AK5: variants seen among roughly 807,000 people sequenced by gnomAD.
The protein encoded by AK5 is adenylate kinase isoenzyme 5.
Under a neutral mutation model 69.5 loss-of-function variants are expected in AK5, and 27 were observed. The ratio of observed to expected loss-of-function variants is 0.39; its 90% confidence interval spans 0.29 to 0.54. The LOEUF is 0.54. Among genes scored for constraint, AK5 ranks in the 20% least tolerant of loss-of-function variants. AK5 has a pLI of 0.71. For synonymous variants in AK5, 260 were observed against 244.4 expected (o/e 1.06, Z -0.60); for missense variants, 531 against 700.4 (o/e 0.76, Z 2.73).
intron 12 of AK5, among the ~76,000 whole-genome samples, chr1:77,524,241 C>A (rs1300871597): frequency 6.6e-6 from 1 of 152,198 alleles, no homozygotes; most frequent in Non-Finnish European, 1.5e-5. Flanking sequence ...GTTGCCATGA[C>A]TACATGTGTA....
intron 5 of AK5, among the ~76,000 whole-genome samples, chr1:77,325,535 C>T (rs1274123604): frequency 3.3e-5 from 5 of 152,124 alleles, no homozygotes. Flanking sequence ...GACAACATGC[C>T]ATATGATCAT....
chr1:77,332,209 A>G (rs1661125649), intron 5 of AK5, among the ~76,000 whole-genome samples: 1 of 151,952 alleles, frequency 6.6e-6, no homozygotes. Context: ...AGATTCATTT[A>G]TTTTTATTTG....
intron 6 of AK5, among the ~76,000 whole-genome samples, chr1:77,369,036 C>T (rs1166432033): frequency 6.6e-6 from 1 of 152,114 alleles, no homozygotes; most frequent in African/African-American, 2.4e-5. Flanking sequence ...CTGATCTATT[C>T]ACCATAAATT....
rs1256122943 is a variant in AK5, at chr1:77,470,853, ATATATATATATATATATATATATT to A, written c.1060-12462_1060-12439del. ...TATATATATATATATATATATATAT[ATATATATATATATATATATATATT>A]TTTTTTTTTTTTTTTTTTTTTGAGA... On this transcript the variant is annotated intron_variant, in intron 8 of 13. Coordinates refer to ENST00000354567, the MANE Select transcript of AK5 (RefSeq NM_174858.3). Among the ~76,000 whole-genome samples, 27 of 2,966 alleles carry A rather than the reference ATATATATATATATATATATATATT, an allele frequency of 9.1e-3. 2 individuals carry two copies. Among genetic ancestry groups the A allele is most frequent in the African/African-American group, 0.017 (26 of 1,486 alleles). 1.9% of individuals were successfully genotyped at this position (2,966 alleles called of 152,430 possible). A position where few individuals can be genotyped will look rare whatever the true frequency, so the allele number is the denominator to read the frequency against.
intron 6 of AK5, among the ~76,000 whole-genome samples, chr1:77,376,805 C>T (rs750447185): frequency 3.9e-5 from 6 of 152,044 alleles, no homozygotes; most frequent in Non-Finnish European, 7.4e-5. Flanking sequence ...AGCTGATCAT[C>T]ATGGCTCCTT....
At chr1:77,436,437 A>G (rs555302279) in intron 8 of AK5, among the ~76,000 whole-genome samples, 3 of 151,902 alleles carry the variant, frequency 2.0e-5, no homozygotes, top group East Asian at 3.9e-4. Context: ...TATTTTATAT[A>G]TAAGAATGAT....
At chr1:77,295,783 G>C (rs576901718) in intron 3 of AK5, among the ~76,000 whole-genome samples, 73 of 152,196 alleles carry the variant, frequency 4.8e-4, no homozygotes, top group African/African-American at 1.7e-3. Flanking sequence ...AATTAATCTT[G>C]TATAAAAGAG....
intron 13 of AK5, among the ~76,000 whole-genome samples, chr1:77,544,923 GGCAGCACAGTGGATTTCTTTACACCA>G (rs1358101738): frequency 2.6e-5 from 4 of 152,068 alleles, no homozygotes; most frequent in African/African-American, 9.7e-5. Flanking sequence ...TTCCAACACC[GGCAGCACAGTGGATTTCTTTACACCA>G]GCATCACCAC....
chr1:77,308,479 C>T (rs1247545086), intron 5 of AK5, among the ~76,000 whole-genome samples: 1 of 149,280 alleles, frequency 6.7e-6, no homozygotes, highest in Non-Finnish European at 1.5e-5. Flanking sequence ...ATCTTTTGGC[C>T]TGATTGTTTA....
chr1:77,513,331 G>A (rs947253596), intron 10 of AK5, among the ~76,000 whole-genome samples: 3 of 152,150 alleles, frequency 2.0e-5, no homozygotes, highest in African/African-American at 7.2e-5. Context: ...TCACACTGCT[G>A]TGATGATGGT....
At chr1:77,425,460 G>A (rs368029090) in intron 8 of AK5, among the ~76,000 whole-genome samples, 9 of 152,106 alleles carry the variant, frequency 5.9e-5, no homozygotes, top group African/African-American at 1.9e-4. Context: ...GGTGGCACAC[G>A]CCTGTAGTCC....
At chr1:77,405,667 G>A (rs780782256) in intron 6 of AK5, among the ~76,000 whole-genome samples, 40 of 152,162 alleles carry the variant, frequency 2.6e-4, no homozygotes, top group Non-Finnish European at 5.0e-4. Context: ...CAGAGAGGCT[G>A]GGCAGTGTAA....
intron 8 of AK5, among the ~76,000 whole-genome samples, chr1:77,462,369 A>G (rs1206688713): frequency 6.6e-6 from 1 of 152,124 alleles, no homozygotes; most frequent in East Asian, 1.9e-4. Flanking sequence ...AGATGAATGG[A>G]TGATTTATAT....
Position 77,441,087 on chromosome 1 carries a change from A to G in AK5, c.1059+23372A>G, listed in dbSNP as rs570208013. Among the ~76,000 whole-genome samples the G allele has an allele frequency of 6.4e-4, 98 of 152,166 alleles. 1 individual carries two copies. The South Asian group carries it at 0.02, about 31-fold the overall frequency. On this transcript the variant is annotated intron_variant, in intron 8 of 13. Transcript: ENST00000354567. ...TCTGCTTGATAAAGTCTGCTTTTTCAGCTCTCTATTGCATTTTTTATTTCA... is the reference window on the plus strand; with the variant it reads ...TCTGCTTGATAAAGTCTGCTTTTTCGGCTCTCTATTGCATTTTTTATTTCA...
At chr1:77,306,053 G>A (rs1171160400) in intron 5 of AK5, among the ~76,000 whole-genome samples, 1 of 151,864 alleles carries the variant, frequency 6.6e-6, no homozygotes, top group East Asian at 1.9e-4. Context: ...GAGATTGTTT[G>A]GTTAATTCCT....
intron 5 of AK5, among the ~76,000 whole-genome samples, chr1:77,325,247 C>T (rs1460186632): frequency 4.0e-5 from 6 of 151,406 alleles, no homozygotes; most frequent in East Asian, 1.9e-4. Flanking sequence ...CCTGGTGATC[C>T]GCCCACCTCG....
intron 5 of AK5, among the ~76,000 whole-genome samples, chr1:77,332,454 A>G (rs1661139841): frequency 6.6e-6 from 1 of 150,440 alleles, no homozygotes; most frequent in South Asian, 2.1e-4. Flanking sequence ...CAACCTTGCA[A>G]ATGTTTTAGA....
chr1:77,410,616 T>C (rs1057308595), intron 6 of AK5, among the ~76,000 whole-genome samples: 5 of 152,186 alleles, frequency 3.3e-5, no homozygotes, highest in African/African-American at 1.2e-4. Flanking sequence ...TTTTTAACAA[T>C]AAGTTTAGAA....
At chr1:77,300,244 T>C (rs187176083) in intron 5 of AK5, among the ~76,000 whole-genome samples, 178 of 152,288 alleles carry the variant, frequency 1.2e-3, no homozygotes, top group African/African-American at 4.0e-3. Flanking sequence ...CAGTACCGAT[T>C]TGGGGTCTGT....
Sources: gnomAD v4.1 joint callset for allele counts (sites outside exome capture counted in the v4.1 genomes callset) on GRCh38, gnomAD v4.1.1 for gene constraint, MANE v1.5 for transcripts, NCBI Gene and HGNC (gene_info 2026-07-23, HGNC 2026-07-21) for gene names.